Variants in ACTR3B observed in about 807,000 individuals in gnomAD.
The protein encoded by ACTR3B is actin related protein 3B, also known as actin-related protein 3B.
ACTR3B carries 8 observed loss-of-function variants against 59.0 expected under a neutral mutation model. The ratio of observed to expected loss-of-function variants is 0.14; its 90% CI spans 0.08 to 0.24. ACTR3B has a LOEUF of 0.24. Ranked by LOEUF, ACTR3B falls within the 10% of genes least tolerant of loss-of-function variation. The probability of loss-of-function intolerance (pLI) is 1.00; values close to 1 mark genes in which losing one functional copy is unlikely to be tolerated. For synonymous variants in ACTR3B, 148 were observed against 197.9 expected, an observed-to-expected ratio of 0.75 and a Z score of 2.12; for missense variants, 245 against 552.3, an observed-to-expected ratio of 0.44 and a Z score of 5.58.
intron 2 of ACTR3B, among the ~76,000 whole-genome samples, chr7:152,795,081 C>G (rs2098211882): frequency 6.7e-6 from 1 of 149,852 alleles, no homozygotes; most frequent in Admixed American, 6.7e-5. Context: ...GTCACCCAGG[C>G]TGGAGTGCAG....
chr7:152,795,351 A>C (rs1411530450), intron 2 of ACTR3B, among the ~76,000 whole-genome samples: 2 of 152,188 alleles, frequency 1.3e-5, no homozygotes, highest in Non-Finnish European at 2.9e-5. Context: ...CTGGCCTCAA[A>C]TTCACTCTTA....
In ACTR3B at chr7:152,854,579, G is replaced by T; in HGVS notation, c.*26G>T. Reference sequence around the variant, plus strand: ...TGTCTGCCTGAACGCGTCGTTCGATGGTGTCACGTTGGGGAACAAGTGTCC... The same window carrying T: ...TGTCTGCCTGAACGCGTCGTTCGATTGTGTCACGTTGGGGAACAAGTGTCC... On this transcript the variant is annotated 3_prime_UTR_variant, in exon 12 of 12. Transcript: ENST00000256001. This position sits in a 1 kb window ranked among gnomAD's most constrained non-coding sequence, Gnocchi z 4.9. 3 of 1,606,778 alleles carry T rather than the reference G, an allele frequency of 1.9e-6. No homozygotes were observed. The South Asian group carries it at 3.3e-5, about 18-fold the overall frequency.
chr7:152,760,927 C>A (rs1305796416), intron 1 of ACTR3B, among the ~76,000 whole-genome samples: 1 of 152,024 alleles, frequency 6.6e-6, no homozygotes, highest in Non-Finnish European at 1.5e-5. Context: ...GGATTTTAAT[C>A]ATTTTTGCCA....
rs530244704 is a variant in ACTR3B at position 152,799,717 on chromosome 7, T to A, written c.101-814T>A. Reference sequence around the variant, plus strand: ...GAACTGCAGGTTGTCAAGGAAGCCTTCAAGTGAGGAGATGGTGTTGATGTC... The same window carrying A: ...GAACTGCAGGTTGTCAAGGAAGCCTACAAGTGAGGAGATGGTGTTGATGTC... On this transcript the variant is annotated intron_variant, in intron 2 of 11. Transcript: ENST00000256001. 2.6e-5 allele frequency among the ~76,000 whole-genome samples: 4 copies of A among 152,274 alleles called. No homozygotes were observed. The East Asian group carries it at 7.7e-4, about 29-fold the overall frequency.
intron 4 of ACTR3B, chr7:152,811,850 CCT>C (rs1176755605): frequency 6.7e-6 from 1 of 148,644 alleles, no homozygotes; most frequent in African/African-American, 2.4e-5. Context: ...TTTACTAATG[CCT>C]CTGATACTTT....
chr7:152,845,847 A>G (rs1283619320), intron 9 of ACTR3B, among the ~76,000 whole-genome samples: 1 of 152,140 alleles, frequency 6.6e-6, no homozygotes, highest in African/African-American at 2.4e-5. Flanking sequence ...CTTCCTGAGC[A>G]TTTTCTTAAG....
At chr7:152,825,677 A>G (rs1796513924) in intron 9 of ACTR3B, among the ~76,000 whole-genome samples, 1 of 152,194 alleles carries the variant, frequency 6.6e-6, no homozygotes, top group Non-Finnish European at 1.5e-5. Flanking sequence ...ATATATTTTA[A>G]GGTGGACAGT....
intron 2 of ACTR3B, among the ~76,000 whole-genome samples, chr7:152,793,022 ATTTT>A (rs529256740): frequency 2.9e-5 from 3 of 104,828 alleles, no homozygotes; most frequent in African/African-American, 1.1e-4. Flanking sequence ...TAGAAGCTGA[ATTTT>A]TTTTTTTTTT....
chr7:152,831,196 T>C (rs1446258467), intron 9 of ACTR3B, among the ~76,000 whole-genome samples: 1 of 152,240 alleles, frequency 6.6e-6, no homozygotes, highest in Non-Finnish European at 1.5e-5. Flanking sequence ...AAATTGGACA[T>C]TGACTTGCCC....
At position 152,824,175 on chromosome 7, in the gene ACTR3B, G is replaced by A. The variant is rs181422106; in HGVS notation, c.858+660G>A. Among the ~76,000 whole-genome samples the A allele has an allele frequency of 9.4e-3, 1,433 of 152,250 alleles. 11 individuals carry two copies. The highest frequency in any genetic ancestry group is 0.014 in the Non-Finnish European group (970 of 68,002). On this transcript the variant is annotated intron_variant, in intron 8 of 11. Coordinates refer to ENST00000256001, the MANE Select transcript of ACTR3B (RefSeq NM_020445.6). The surrounding 1 kb of genome is among the most constrained non-coding windows in gnomAD (Gnocchi z 4.2). ...GGCTAATTCAGTTTATATTCAGTAG[G>A]TGGGTTACAAACTGCTGTTTGTTTT...
At position 152,821,046 on chromosome 7, in the gene ACTR3B, G is replaced by A. The variant is rs548887340; in HGVS notation, c.684+604G>A. Among the ~76,000 whole-genome samples the A allele has an allele frequency of 7.2e-5, 11 of 152,250 alleles. 1 individual carries two copies. In the South Asian group the frequency reaches 2.3e-3, roughly 32 times the overall value. ...GATTCCCGAGGTGTTTTTAGGTCAG[G>A]AGGCACTGGCATGAGGCAGGCTCTG... On this transcript the variant is annotated intron_variant, in intron 7 of 11. Coordinates refer to ENST00000256001, the MANE Select transcript of ACTR3B (RefSeq NM_020445.6).
At position 152,825,847 on chromosome 7, in the gene ACTR3B, C is replaced by T. The variant is rs543130522; in HGVS notation, c.951+725C>T. ...ATGGGACAGTCAGATAGAATATGCTCATGTATTATTATGATTTTTTTCAAA... is the reference window on the plus strand; with the variant it reads ...ATGGGACAGTCAGATAGAATATGCTTATGTATTATTATGATTTTTTTCAAA... On this transcript the variant is annotated intron_variant, in intron 9 of 11. Coordinates refer to ENST00000256001, the MANE Select transcript of ACTR3B (RefSeq NM_020445.6). Among the ~76,000 whole-genome samples the T allele has an allele frequency of 8.5e-5, 13 of 152,068 alleles. No individual in the cohort carries two copies. In the South Asian group the frequency reaches 1.5e-3, roughly 17 times the overall value.
chr7:152,761,695 C>T (rs959382190), intron 1 of ACTR3B, among the ~76,000 whole-genome samples: 2 of 152,076 alleles, frequency 1.3e-5, no homozygotes, highest in African/African-American at 4.8e-5. Flanking sequence ...TTCCCCATAT[C>T]GAGTGTATGG....
intron 2 of ACTR3B, among the ~76,000 whole-genome samples, chr7:152,795,868 G>A (rs1013637605): frequency 6.6e-6 from 1 of 151,356 alleles, no homozygotes; most frequent in East Asian, 1.9e-4. Flanking sequence ...TTTGGAGGCG[G>A]TGTCTTGCTC....
Position 152,764,697 on chromosome 7 carries a change from C to T in ACTR3B, c.44+4771C>T, listed in dbSNP as rs1313377574. Among the ~76,000 whole-genome samples, 4 of 151,346 alleles carry T rather than the reference C, an allele frequency of 2.6e-5. No individual in the cohort carries two copies. In the East Asian group the frequency reaches 7.8e-4, roughly 29 times the overall value. ...AAGGATATCTTTTTGTATTTTTTGC[C>T]TGAGTATCTGTGGCTTAGATTTTTA... On this transcript the variant is annotated intron_variant, in intron 1 of 11. Transcript: ENST00000256001.
intron 2 of ACTR3B, among the ~76,000 whole-genome samples, chr7:152,787,064 T>C (rs940066869): frequency 4.6e-5 from 7 of 152,174 alleles, no homozygotes; most frequent in African/African-American, 1.7e-4. Flanking sequence ...TCACAGAGCG[T>C]ACACCCCTTC....
intron 1 of ACTR3B, among the ~76,000 whole-genome samples, chr7:152,769,996 A>T (rs2098120305): frequency 6.6e-6 from 1 of 152,152 alleles, no homozygotes; most frequent in African/African-American, 2.4e-5. Flanking sequence ...AGAGCCATAA[A>T]TTACTATACT....
In ACTR3B at chr7:152,846,999, C is replaced by T. The variant is rs536407765; in HGVS notation, c.952-5127C>T. 2.7e-5 allele frequency among the ~76,000 whole-genome samples: 4 copies of T among 148,496 alleles called. No individual in the cohort carries two copies. In the East Asian group the frequency reaches 8.2e-4, roughly 30 times the overall value. On this transcript the variant is annotated intron_variant, in intron 9 of 11. Transcript: ENST00000256001. ...TGAGCCCCAGTGTCCGGGCTGCAGT[C>T]TGCAGTGAGCTCTAGTGCCCGGGCT... is the stretch of plus-strand genomic sequence containing the variant.
chr7:152,832,318 G>A (rs1256942491), intron 9 of ACTR3B, among the ~76,000 whole-genome samples: 2 of 152,138 alleles, frequency 1.3e-5, no homozygotes, highest in Non-Finnish European at 2.9e-5. Context: ...TAGGTTGGAG[G>A]CTTTGCAGGT....
Sources: gnomAD v4.1 joint callset for allele counts (sites outside exome capture counted in the v4.1 genomes callset) on GRCh38, gnomAD v4.1.1 for gene constraint, Gnocchi (gnomAD v3.1) non-coding constraint, MANE v1.5 for transcripts, NCBI Gene and HGNC (gene_info 2026-07-23, HGNC 2026-07-21) for gene names.